Variants in GP6 observed in about 807,000 individuals in gnomAD.
GP6 encodes platelet glycoprotein VI.
In GP6, 45 loss-of-function variants were observed where a neutral mutation model predicts 37.3. The ratio of observed to expected loss-of-function variants is 1.21; its 90% CI spans 0.95 to 1.55. GP6 has a LOEUF of 1.55. Among genes scored for constraint, GP6 ranks in the 40% most tolerant of loss-of-function variants. GP6 has a pLI of 0.00. For missense variants in GP6, 813 were observed against 760.2 expected, an observed-to-expected ratio of 1.07 and a Z score of -0.82; for synonymous variants, 340 against 316.4, an observed-to-expected ratio of 1.07 and a Z score of -0.79.
intron 3 of GP6, among the ~76,000 whole-genome samples, chr19:55,028,863 G>A (rs1048768956): frequency 2.6e-5 from 4 of 151,942 alleles, no homozygotes; most frequent in Admixed American, 2.6e-4. Context: ...GGCTGGGTGC[G>A]GCGGCTCACA....
chr19:55,014,902 C>A lies in GP6; in HGVS notation c.1043G>T (p.Arg348Leu). The A allele has an allele frequency of 6.2e-7, 1 of 1,613,756 alleles. No individual in the cohort carries two copies. Among genetic ancestry groups the A allele is most frequent in the Non-Finnish European group, 8.5e-7 (1 of 1,179,960 alleles). ...CCATGATCCCTCCCTTGGATACGAC[C>A]GTGCCTGGGGTTCAGCGGTCATGAA... The change falls in exon 8 of 8, where the codon CGG (arginine) becomes CTG (leucine). Residue 348 changes from arginine (R) to leucine (L), a missense_variant. Arg to Leu is a moderately radical substitution (Grantham distance 102, BLOSUM62 -2). Transcript: ENST00000310373.
intron 1 of GP6, among the ~76,000 whole-genome samples, 153 bp downstream of exon 1, chr19:55,038,050 G>C (rs1363096707): frequency 6.6e-6 from 1 of 152,162 alleles, no homozygotes; most frequent in African/African-American, 2.4e-5. Flanking sequence ...CCAGCTCGCT[G>C]GCCCCCCGTT....
rs1242030682 is a variant in GP6 at position 55,015,176 on chromosome 19, G to A, written c.780-11C>T. On this transcript the variant is annotated splice_polypyrimidine_tract_variant and intron_variant, in intron 7 of 7. Coordinates refer to ENST00000310373, the MANE Select transcript of GP6 (RefSeq NM_001083899.2). Reference sequence around the variant, plus strand: ...ACTGGCGGGCAGGACCTGGAGGAATGAGGAGAGGCAGGAGCAGGTGAAAGA... The same window carrying A: ...ACTGGCGGGCAGGACCTGGAGGAATAAGGAGAGGCAGGAGCAGGTGAAAGA... 2.6e-6 allele frequency: 4 copies of A among 1,553,400 alleles called. No homozygotes were observed. The highest frequency in any genetic ancestry group is 2.4e-5 in the South Asian group (2 of 84,232).
intron 3 of GP6, among the ~76,000 whole-genome samples, chr19:55,029,120 G>A (rs527560954): frequency 0.14 from 19,755 of 144,132 alleles, 1,871 homozygotes; most frequent in Non-Finnish European, 0.21. Flanking sequence ...GGGAGGGAGG[G>A]AGGAAGGAAG....
chr19:55,031,306 C>T (rs187958631), intron 3 of GP6, among the ~76,000 whole-genome samples: 7 of 152,266 alleles, frequency 4.6e-5, no homozygotes, highest in African/African-American at 9.6e-5. Flanking sequence ...CACGGTGGCC[C>T]GTGACCGTAG....
intron 4 of GP6, 51 bp downstream of exon 4, chr19:55,027,527 T>G: frequency 6.8e-7 from 1 of 1,475,388 alleles, no homozygotes; most frequent in East Asian, 2.3e-5. Context: ...GGAATGGCCA[T>G]CAGGACCTAT....
chr19:55,023,305 G>A (rs8104288), intron 5 of GP6, among the ~76,000 whole-genome samples: 5,678 of 152,256 alleles, frequency 0.037, 197 homozygotes, highest in East Asian at 0.15. Context: ...TCAACACAGC[G>A]TGTGGTATTT....
chr19:55,016,415 T>A, intron 6 of GP6, among the ~76,000 whole-genome samples: 1 of 142,506 alleles, frequency 7.0e-6, no homozygotes, highest in Non-Finnish European at 1.5e-5. Context: ...TGGCTCTGTC[T>A]CCCAGGCTGG....
intron 1 of GP6, among the ~76,000 whole-genome samples, chr19:55,034,103 T>C (rs893225239): frequency 6.6e-6 from 1 of 150,494 alleles, no homozygotes; most frequent in Non-Finnish European, 1.5e-5. Context: ...CATATACACG[T>C]GTGTACATAC....
At chr19:55,024,362 A>ACG (rs1568613734) in intron 5 of GP6, among the ~76,000 whole-genome samples, 2 of 19,352 alleles carry the variant, frequency 1.0e-4, no homozygotes, top group Non-Finnish European at 3.5e-4. Context: ...GCACACACAC[A>ACG]TATGCACGCA....
At chr19:55,035,856 CGAGGTCAA>C (rs1480898988) in intron 1 of GP6, among the ~76,000 whole-genome samples, 1 of 151,596 alleles carries the variant, frequency 6.6e-6, no homozygotes, top group Non-Finnish European at 1.5e-5. Context: ...GGGTGGATCA[CGAGGTCAA>C]GAGATCAAGA....
Position 55,027,706 on chromosome 19 carries a change from T to A in GP6, c.482A>T (p.Tyr161Phe), listed in dbSNP as rs2074362266. ...CGTGATGATGGGAAAACTAGCCCTG[T>A]ACCATCTCTCGGGATTCTTGTAGGG... Residue 161 changes from tyrosine to phenylalanine, a missense_variant, in exon 4 of 8, where the codon TAC (tyrosine) becomes TTC (phenylalanine). By Grantham distance (22) the Tyr-to-Phe change is conservative. Coordinates refer to ENST00000310373, the MANE Select transcript of GP6 (RefSeq NM_001083899.2). 1 of 1,613,078 alleles carries A rather than the reference T, an allele frequency of 6.2e-7. No homozygotes were observed. Among genetic ancestry groups the A allele is most frequent in the Non-Finnish European group, 8.5e-7 (1 of 1,179,022 alleles).
chr19:55,014,030 T>C lies in GP6; in HGVS notation c.*52A>G. 1.8e-6 allele frequency: 1 copy of C among 548,796 alleles called. No individual in the cohort carries two copies. The highest frequency in any genetic ancestry group is 1.5e-5 in the South Asian group (1 of 65,368). 34.0% of individuals were successfully genotyped at this position (548,796 alleles called of 1,614,324 possible). On this transcript the variant is annotated 3_prime_UTR_variant, in exon 8 of 8. Transcript: ENST00000310373. ...TTAAAAATGTATACAGAATTGTACA[T>C]ATTTATGGGGTGGACAGCAATATTG...
chr19:55,032,149 G>A lies in GP6; in HGVS notation c.315C>T (p.Leu105=), dbSNP rs374599974. 17 of 1,613,744 alleles carry A rather than the reference G, an allele frequency of 1.1e-5. No individual in the cohort carries two copies. Among genetic ancestry groups the A allele is most frequent in the South Asian group, 6.6e-5 (6 of 91,080 alleles). ...TCCCCCTTCCTTTACCCGTGGCAACGAGCTCCAGCTGGTCGCTGGGCAGGG... is the reference window on the plus strand; with the variant it reads ...TCCCCCTTCCTTTACCCGTGGCAACAAGCTCCAGCTGGTCGCTGGGCAGGG... The change falls in exon 3 of 8, where the codon CTC becomes CTT. Residue 105 remains leucine, a synonymous_variant. Coordinates refer to ENST00000310373, the MANE Select transcript of GP6 (RefSeq NM_001083899.2).
rs143971129 is a variant in GP6, at chr19:55,023,722, C to T, written c.664+1496G>A. ...TCAGATATTTATAGCAGCACAAAAT[C>T]GGCCTAATATAGCATGAAATATTGC... On this transcript the variant is annotated intron_variant, in intron 5 of 7. Transcript: ENST00000310373. 6.6e-4 allele frequency among the ~76,000 whole-genome samples: 101 copies of T among 152,240 alleles called. 1 individual carries two copies. Among genetic ancestry groups the T allele is most frequent in the Admixed American group, 4.4e-3 (67 of 15,276 alleles).
intron 4 of GP6, among the ~76,000 whole-genome samples, chr19:55,026,248 G>A (rs2074298454): frequency 6.6e-6 from 1 of 152,054 alleles, no homozygotes; most frequent in Non-Finnish European, 1.5e-5. Context: ...AGTGGCGTTG[G>A]GTATGTTCAC....
At chr19:55,025,316 G>T (rs79287667) in intron 4 of GP6, 45 bp from the exon 5 acceptor site, 16,164 of 1,233,390 alleles carry the variant, frequency 0.013, 131 homozygotes, top group Non-Finnish European at 0.016. Context: ...TGTCGCTGTG[G>T]GTCCTGAACA....
chr19:55,014,525 C>A lies in GP6; in HGVS notation c.1420G>T (p.Val474Leu). The A allele has an allele frequency of 6.2e-7, 1 of 1,613,806 alleles. No individual in the cohort carries two copies. Among genetic ancestry groups the A allele is most frequent in the East Asian group, 2.2e-5 (1 of 44,878 alleles). ...GAGCACAGAGGGCCAAAGGGAAGCACGGGAGGATTTTGCACAGAGGATGGA... is the reference window on the plus strand; with the variant it reads ...GAGCACAGAGGGCCAAAGGGAAGCAAGGGAGGATTTTGCACAGAGGATGGA... Residue 474 changes from valine (V) to leucine (L), a missense_variant, in exon 8 of 8, where the codon GTG becomes TTG. Transcript: ENST00000310373.
intron 4 of GP6, 40 bp downstream of exon 4, chr19:55,027,538 A>G (rs558115658): frequency 1.3e-6 from 2 of 1,561,074 alleles, no homozygotes; most frequent in African/African-American, 1.4e-5. Flanking sequence ...CAGGACCTAT[A>G]AAGGCTGAGG....
Sources: gnomAD v4.1 joint callset for allele counts (sites outside exome capture counted in the v4.1 genomes callset) on GRCh38, gnomAD v4.1.1 for gene constraint, MANE v1.5 for transcripts, NCBI Gene and HGNC (gene_info 2026-07-23, HGNC 2026-07-21) for gene names.